PCCA: variants seen among roughly 807,000 people sequenced by gnomAD.
The protein encoded by PCCA is propionyl-CoA carboxylase alpha chain, mitochondrial.
Under a neutral mutation model 101.3 loss-of-function variants are expected in PCCA, and 74 were observed. The ratio of observed to expected loss-of-function variants is 0.73; its 90% CI spans 0.61 to 0.89. PCCA has a LOEUF of 0.89. Ranked by LOEUF, PCCA falls within the 40% of genes least tolerant of loss-of-function variation. The probability of loss-of-function intolerance (pLI) is 0.00; values close to 1 mark genes in which losing one functional copy is unlikely to be tolerated. For missense variants in PCCA, 891 were observed against 907.0 expected, an observed-to-expected ratio of 0.98 and a Z score of 0.23; for synonymous variants, 294 against 313.6, an observed-to-expected ratio of 0.94 and a Z score of 0.66.
At chr13:100,346,101 G>A (rs1275074460) in intron 18 of PCCA, among the ~76,000 whole-genome samples, 2 of 152,140 alleles carry the variant, frequency 1.3e-5, no homozygotes, top group African/African-American at 4.8e-5. Context: ...CTAACACAAC[G>A]TTCATTCTGT....
chr13:100,403,288 C>T (rs1031096503), intron 19 of PCCA, among the ~76,000 whole-genome samples: 15 of 152,160 alleles, frequency 9.9e-5, no homozygotes, highest in Admixed American at 9.2e-4. Flanking sequence ...AAGGGCCAAA[C>T]AAACAACACT....
intron 8 of PCCA, among the ~76,000 whole-genome samples, chr13:100,238,237 G>A (rs549255450): frequency 7.8e-4 from 119 of 152,168 alleles, no homozygotes; most frequent in African/African-American, 2.8e-3. Context: ...AGTGCACCTG[G>A]CCATTTTCCA....
At chr13:100,177,180 T>C (rs1291359326) in intron 6 of PCCA, among the ~76,000 whole-genome samples, 5 of 152,222 alleles carry the variant, frequency 3.3e-5, no homozygotes, top group African/African-American at 4.8e-5. Flanking sequence ...ACATGAATTA[T>C]CAAATTTTGC....
intron 1 of PCCA, among the ~76,000 whole-genome samples, chr13:100,093,386 A>G (rs1228342302): frequency 6.6e-6 from 1 of 152,206 alleles, no homozygotes; most frequent in Non-Finnish European, 1.5e-5. Context: ...AAGAGGAGTT[A>G]GAGGTATGGT....
chr13:100,381,848 T>C (rs571026315), intron 19 of PCCA, among the ~76,000 whole-genome samples: 31 of 152,234 alleles, frequency 2.0e-4, no homozygotes, highest in African/African-American at 7.0e-4. Flanking sequence ...CCACACCTCG[T>C]AGGAGGGAGT....
chr13:100,351,547 T>G (rs1185943994), intron 18 of PCCA, among the ~76,000 whole-genome samples: 1 of 152,204 alleles, frequency 6.6e-6, no homozygotes, highest in Non-Finnish European at 1.5e-5. Flanking sequence ...TAATGCTTTT[T>G]TCTATATTTG....
chr13:100,255,941 C>T (rs1025940003), intron 8 of PCCA, among the ~76,000 whole-genome samples: 1 of 152,184 alleles, frequency 6.6e-6, no homozygotes, highest in African/African-American at 2.4e-5. Context: ...CTATAATCTC[C>T]ACCTCTGTTT....
At position 100,299,615 on chromosome 13, in the gene PCCA, A is replaced by G. The variant is rs534174777; in HGVS notation, c.1066-1845A>G. On this transcript the variant is annotated intron_variant, in intron 12 of 23. Transcript: ENST00000376285. ...ACTTATATGGGCACTGGTCATAGAAAGAGGAAACTGAATGGTTCACTTAAC... is the reference window on the plus strand; with the variant it reads ...ACTTATATGGGCACTGGTCATAGAAGGAGGAAACTGAATGGTTCACTTAAC... Among the ~76,000 whole-genome samples the G allele has an allele frequency of 2.0e-5, 3 of 152,346 alleles. No homozygotes were observed. The South Asian group carries it at 6.2e-4, about 32-fold the overall frequency.
intron 19 of PCCA, among the ~76,000 whole-genome samples, chr13:100,369,851 A>T (rs1169945279): frequency 6.6e-6 from 1 of 152,184 alleles, no homozygotes; most frequent in Non-Finnish European, 1.5e-5. Flanking sequence ...GTAGCAAATT[A>T]TAGGAATTGA....
chr13:100,450,887 C>G (rs2081173687), intron 21 of PCCA, among the ~76,000 whole-genome samples: 1 of 152,210 alleles, frequency 6.6e-6, no homozygotes. Context: ...AAATGTATGT[C>G]ATAATATGTT....
chr13:100,212,526 A>G (rs1314171510), intron 7 of PCCA, among the ~76,000 whole-genome samples: 3 of 152,198 alleles, frequency 2.0e-5, no homozygotes, highest in African/African-American at 4.8e-5. Context: ...ACTGTGGAGA[A>G]TTCACTCAGA....
Position 100,309,884 on chromosome 13 carries a change from G to A in PCCA, c.1405G>A (p.Ala469Thr), listed in dbSNP as rs1177261362. 1 of 1,612,654 alleles carries A rather than the reference G, an allele frequency of 6.2e-7. No individual in the cohort carries two copies. Among genetic ancestry groups the A allele is most frequent in the Non-Finnish European group, 8.5e-7 (1 of 1,178,764 alleles). Residue 469 changes from alanine to threonine, a missense_variant, in exon 16 of 24, where the codon GCA becomes ACA. Ala to Thr is a moderately conservative substitution (Grantham distance 58). Coordinates refer to ENST00000376285, the MANE Select transcript of PCCA (RefSeq NM_000282.4). ...RTEALKRMAD[A>T]LDNYVIRGVT... is the part of the protein sequence containing the mutation. ...TGAGGCACTGAAGAGAATGGCAGATGCACTGGATAACTATGTTATTCGAGG... is the reference window on the plus strand; with the variant it reads ...TGAGGCACTGAAGAGAATGGCAGATACACTGGATAACTATGTTATTCGAGG...
intron 2 of PCCA, among the ~76,000 whole-genome samples, chr13:100,109,772 A>G (rs1415264337): frequency 6.6e-6 from 1 of 152,166 alleles, no homozygotes; most frequent in East Asian, 1.9e-4. Flanking sequence ...TATGATGTAA[A>G]GGTTAAACCA....
chr13:100,305,876 G>A (rs1253235427), intron 14 of PCCA: 3 of 412,104 alleles, frequency 7.3e-6, no homozygotes, highest in Admixed American at 3.3e-5. Flanking sequence ...TAAGATTTTT[G>A]TATATGAATG....
At chr13:100,165,435 A>G (rs2054929068) in intron 6 of PCCA, among the ~76,000 whole-genome samples, 1 of 152,174 alleles carries the variant, frequency 6.6e-6, no homozygotes, top group Non-Finnish European at 1.5e-5. Context: ...CAATATGTTT[A>G]TGCTTGTTAG....
intron 12 of PCCA, among the ~76,000 whole-genome samples, chr13:100,290,822 G>C (rs539495489): frequency 6.6e-6 from 1 of 152,032 alleles, no homozygotes; most frequent in East Asian, 1.9e-4. Flanking sequence ...GATCTTCCAG[G>C]TTACTAATTC....
chr13:100,255,336 A>G (rs1230852081), intron 8 of PCCA, among the ~76,000 whole-genome samples: 1 of 152,174 alleles, frequency 6.6e-6, no homozygotes, highest in Admixed American at 6.5e-5. Flanking sequence ...TTGTTTCCCC[A>G]GCTTGTTCCT....
intron 22 of PCCA, among the ~76,000 whole-genome samples, chr13:100,520,941 C>G (rs1409222761): frequency 6.6e-6 from 1 of 151,990 alleles, no homozygotes; most frequent in Non-Finnish European, 1.5e-5. Context: ...TCAGCCTTAC[C>G]AAGATGTAAA....
At chr13:100,208,557 T>C (rs1380604625) in intron 6 of PCCA, among the ~76,000 whole-genome samples, 2 of 152,184 alleles carry the variant, frequency 1.3e-5, no homozygotes, top group Non-Finnish European at 2.9e-5. Flanking sequence ...AATACCCCCA[T>C]TACTTTTCTA....
Sources: gnomAD v4.1 joint callset for allele counts (sites outside exome capture counted in the v4.1 genomes callset) on GRCh38, gnomAD v4.1.1 for gene constraint, MANE v1.5 for transcripts, NCBI Gene and HGNC (gene_info 2026-07-23, HGNC 2026-07-21) for gene names.